The following IL13RA1 variants were observed in gnomAD, a reference collection of about 807,000 sequenced individuals.
IL13RA1 encodes the protein interleukin 13 receptor subunit alpha 1, also known as interleukin-13 receptor subunit alpha-1.
A neutral mutation model predicts 33.8 loss-of-function variants in IL13RA1; 14 were observed. That is an observed-to-expected ratio of 0.41 (90% confidence interval 0.27 to 0.65). The LOEUF (loss-of-function observed/expected upper bound fraction) is 0.65. IL13RA1 is among the 30% of genes least tolerant of loss of function. The pLI is 0.28. For synonymous variants in IL13RA1, 116 were observed against 115.7 expected (o/e 1.00, Z -0.02); for missense variants, 313 against 327.0 (o/e 0.96, Z 0.33).
At chrX:118,799,128 C>A (rs1193327251), downstream of IL13RA1, among the ~76,000 whole-genome samples, 2 of 113,121 alleles carry the variant, frequency 1.8e-5, no homozygotes, top group Non-Finnish European at 3.8e-5. Flanking sequence ...TGTACTGAGT[C>A]CCCCAGCAGT....
At chrX:118,771,966 C>T (rs2017726922) in intron 8 of IL13RA1, among the ~76,000 whole-genome samples, 1 of 111,690 alleles carries the variant, frequency 9.0e-6, no homozygotes, top group Admixed American at 9.5e-5. Flanking sequence ...GAGTGAGACT[C>T]TGTCTCAAAA....
intron 10 of IL13RA1, among the ~76,000 whole-genome samples, chrX:118,784,070 C>G (rs1224239798): frequency 3.0e-5 from 2 of 67,660 alleles, no homozygotes; most frequent in African/African-American, 1.4e-4. Context: ...AAATGAGACT[C>G]TGTCGCCAAA....
intron 8 of IL13RA1, 130 bp downstream of exon 8, chrX:118,767,106 A>C: frequency 2.7e-6 from 1 of 370,085 alleles, no homozygotes; most frequent in East Asian, 4.6e-5. Context: ...TACAATTGAA[A>C]TTTATTTTCT....
At chrX:118,780,264 G>T (rs767976551) in intron 10 of IL13RA1, among the ~76,000 whole-genome samples, 16 of 112,214 alleles carry the variant, frequency 1.4e-4, no homozygotes, top group Non-Finnish European at 2.6e-4. Context: ...TTGAATTATT[G>T]AATGAACATA....
At chrX:118,745,957 A>G (rs1312670384) in intron 2 of IL13RA1, among the ~76,000 whole-genome samples, 2 of 111,887 alleles carry the variant, frequency 1.8e-5, no homozygotes, top group Non-Finnish European at 3.8e-5. Context: ...AAGCTTATCT[A>G]CTTTTCAGAA....
At chrX:118,780,714 A>G (rs911195969) in intron 10 of IL13RA1, among the ~76,000 whole-genome samples, 27 of 111,919 alleles carry the variant, frequency 2.4e-4, no homozygotes, top group Non-Finnish European at 4.7e-4. Context: ...GCCATGAGGG[A>G]TCCACCCCTA....
At chrX:118,772,605 A>G (rs999315586) in intron 8 of IL13RA1, among the ~76,000 whole-genome samples, 1 of 112,113 alleles carries the variant, frequency 8.9e-6, no homozygotes, top group South Asian at 3.6e-4. Flanking sequence ...TTAAAAAAAA[A>G]CCCTATGTGA....
At chrX:118,778,636 C>G (rs2017810881) in intron 10 of IL13RA1, among the ~76,000 whole-genome samples, 1 of 111,510 alleles carries the variant, frequency 9.0e-6, no homozygotes, top group Admixed American at 9.5e-5. Flanking sequence ...GTGGACCACA[C>G]TTTGAAAATC....
the IL13RA1 span, among the ~76,000 whole-genome samples, chrX:118,803,913 CCTTCCTTCCT>C: frequency 1.3e-4 from 8 of 61,487 alleles, no homozygotes; most frequent in East Asian, 3.4e-3. Context: ...TTCCTTCCTT[CCTTCCTTCCT>C]CTCTCTCTTT....
At chrX:118,803,023 C>G in the IL13RA1 span, among the ~76,000 whole-genome samples, 1 of 112,162 alleles carries the variant, frequency 8.9e-6, no homozygotes, top group African/African-American at 3.2e-5. Flanking sequence ...AATAGCTTGT[C>G]CACTCTGGCA....
At chrX:118,755,888 A>G (rs1464995001) in intron 4 of IL13RA1, among the ~76,000 whole-genome samples, 1 of 112,471 alleles carries the variant, frequency 8.9e-6, no homozygotes, top group African/African-American at 3.2e-5. Flanking sequence ...TTCTTCATAA[A>G]CCACAGGGCG....
intron 1 of IL13RA1, among the ~76,000 whole-genome samples, chrX:118,731,241 C>G (rs977419975): frequency 2.7e-5 from 3 of 111,355 alleles, no homozygotes; most frequent in Non-Finnish European, 3.8e-5. Flanking sequence ...GATACTTGTT[C>G]TGTCTCAAAG....
chrX:118,731,521 G>A (rs1207885274), intron 1 of IL13RA1, among the ~76,000 whole-genome samples: 2 of 105,119 alleles, frequency 1.9e-5, no homozygotes, highest in Admixed American at 2.1e-4. Context: ...AGTTTGCAGT[G>A]AGCTAAGATC....
intron 10 of IL13RA1, among the ~76,000 whole-genome samples, chrX:118,784,143 ATATACG>A (rs2017888995): frequency 2.1e-5 from 2 of 95,063 alleles, no homozygotes; most frequent in Non-Finnish European, 2.0e-5. Flanking sequence ...ATATATATAT[ATATACG>A]TATATACACA....
intron 8 of IL13RA1, among the ~76,000 whole-genome samples, chrX:118,773,094 G>A (rs1043333326): frequency 8.9e-6 from 1 of 112,200 alleles, no homozygotes; most frequent in African/African-American, 3.2e-5. Flanking sequence ...CACTAGCCCA[G>A]CCCTCCTCTA....
At chrX:118,730,276 C>T (rs1056711794) in intron 1 of IL13RA1, among the ~76,000 whole-genome samples, 3 of 111,881 alleles carry the variant, frequency 2.7e-5, no homozygotes, top group Non-Finnish European at 3.8e-5. Flanking sequence ...TCAGCCTGGG[C>T]GACAGAGCAA....
intron 10 of IL13RA1, among the ~76,000 whole-genome samples, chrX:118,780,045 G>A (rs1445203893): frequency 8.9e-6 from 1 of 111,853 alleles, no homozygotes; most frequent in Non-Finnish European, 1.9e-5. Context: ...AAAGCACAAG[G>A]TATTTTTGTT....
chrX:118,769,333 G>A (rs2017684739), intron 8 of IL13RA1, among the ~76,000 whole-genome samples: 1 of 112,661 alleles, frequency 8.9e-6, no homozygotes, highest in Non-Finnish European at 1.9e-5. Context: ...ATGTAGCAAG[G>A]CAGGCTTTGG....
At chrX:118,736,084 G>T (rs1300476504) in intron 1 of IL13RA1, among the ~76,000 whole-genome samples, 1 of 111,286 alleles carries the variant, frequency 9.0e-6, no homozygotes, top group Non-Finnish European at 1.9e-5. Flanking sequence ...TTTCATTTCA[G>T]TTGTGCTTTT....
Sources: gnomAD v4.1 joint callset for allele counts (sites outside exome capture counted in the v4.1 genomes callset) on GRCh38, gnomAD v4.1.1 for gene constraint, MANE v1.5 for transcripts, NCBI Gene and HGNC (gene_info 2026-07-23, HGNC 2026-07-21) for gene names.